The following RBM44 variants were observed in gnomAD, a reference collection of about 807,000 sequenced individuals.
RBM44 encodes RNA-binding protein 44.
Under a neutral mutation model 105.1 loss-of-function variants are expected in RBM44, and 66 were observed. That is an observed-to-expected ratio of 0.63 (90% CI 0.52 to 0.77). RBM44 has a LOEUF of 0.77. Among genes scored for constraint, RBM44 ranks in the 30% least tolerant of loss-of-function variants. RBM44 has a pLI of 0.00. For missense variants in RBM44, 1,122 were observed against 1,207.8 expected (o/e 0.93, Z 1.05); for synonymous variants, 365 against 417.6 (o/e 0.87, Z 1.54).
intron 12 of RBM44, among the ~76,000 whole-genome samples, chr2:237,827,721 T>C (rs1458594881): frequency 1.3e-5 from 2 of 152,162 alleles, no homozygotes; most frequent in East Asian, 3.8e-4. Context: ...AACTTGTTAA[T>C]GGTATACAGG....
At chr2:237,809,153 A>G (rs1019767117) in intron 1 of RBM44, among the ~76,000 whole-genome samples, 3 of 152,114 alleles carry the variant, frequency 2.0e-5, no homozygotes, top group Non-Finnish European at 2.9e-5. Flanking sequence ...TTTGACAGTA[A>G]CTAGTCTATA....
intron 1 of RBM44, among the ~76,000 whole-genome samples, chr2:237,810,617 C>G (rs1288233410): frequency 1.3e-5 from 2 of 152,132 alleles, no homozygotes; most frequent in Non-Finnish European, 2.9e-5. Flanking sequence ...GATTTATTTG[C>G]AAGGGCATTG....
Position 237,820,282 on chromosome 2 carries a change from A to G in RBM44, c.1844A>G (p.Tyr615Cys), listed in dbSNP as rs764076307. 2 of 1,604,882 alleles carry G rather than the reference A, an allele frequency of 1.2e-6. No homozygotes were observed. Among genetic ancestry groups the G allele is most frequent in the South Asian group, 1.1e-5 (1 of 89,622 alleles). ...GAGCTGCACCTTTTAAATGTTCACT[A>G]TCAGATGTGTCGTCGCCATTGTTGT... is the stretch of plus-strand genomic sequence containing the variant. ...KAELHLLNVH[Y>C]QMCRRHCCDI... The change falls in exon 5 of 16, where the codon TAT becomes TGT. Residue 615 changes from tyrosine (Y) to cysteine (C), a missense_variant. Tyr to Cys is a radical substitution (Grantham distance 194). Transcript: ENST00000316997.
Position 237,820,253 on chromosome 2 carries a change from AG to A in RBM44, c.1816del (p.Ala606GlnfsTer6). 1 of 1,597,766 alleles carries A rather than the reference AG, an allele frequency of 6.3e-7. No homozygotes were observed. ...CQKIMQRAIK[A>X]ELHLLNVHYQ... The stretch of plus-strand genomic sequence containing the variant: ...AGAAGATAATGCAGAGAGCCATAAA[AG>A]CAGAGCTGCACCTTTTAAATGTTCA... On this transcript the variant is annotated frameshift_variant, in exon 5 of 16. Coordinates refer to ENST00000316997, the MANE Select transcript of RBM44 (RefSeq NM_001080504.3). LOFTEE classifies it high-confidence loss of function.
chr2:237,839,531 A>C lies in RBM44; in HGVS notation c.*23-2308A>C, dbSNP rs978579228. Among the ~76,000 whole-genome samples the C allele has an allele frequency of 2.0e-5, 3 of 151,404 alleles. 1 individual carries two copies. The South Asian group carries it at 6.3e-4, about 32-fold the overall frequency. ...TGATCCGCCCGCCTTGGCCTCCCAA[A>C]GTGCTAGGATTACAGGCATGAGCCA... On this transcript the variant is annotated intron_variant, in intron 15 of 15. Coordinates refer to ENST00000316997, the MANE Select transcript of RBM44 (RefSeq NM_001080504.3).
intron 12 of RBM44, 133 bp from the exon 13 acceptor site, chr2:237,829,084 A>G (rs2061877977): frequency 8.2e-6 from 5 of 609,794 alleles, no homozygotes; most frequent in Non-Finnish European, 1.4e-5. Context: ...TCCCAAGGTA[A>G]GTACAGCAAC....
rs765873877 is a variant in RBM44 at position 237,817,010 on chromosome 2, A to G, written c.91A>G (p.Lys31Glu). The G allele has an allele frequency of 6.5e-7, 1 of 1,536,218 alleles. No individual in the cohort carries two copies. The highest frequency in any genetic ancestry group is 2.2e-5 in the Admixed American group (1 of 46,004). ...NLQKDKPSNP[K>E]KENLLLSSNG... Reference sequence around the variant, plus strand: ...TTAATCAGATAAACCTTCAAATCCAAAGAAAGAAAATTTGTTATTATCCTC... The same window carrying G: ...TTAATCAGATAAACCTTCAAATCCAGAGAAAGAAAATTTGTTATTATCCTC... The change falls in exon 3 of 16, where the codon AAG becomes GAG. Residue 31 changes from lysine to glutamate, a missense_variant. Physicochemically the swap from Lys to Glu is moderately conservative, Grantham distance 56. Transcript: ENST00000316997.
intron 15 of RBM44, among the ~76,000 whole-genome samples, chr2:237,838,503 A>G (rs1180891206): frequency 2.1e-5 from 1 of 47,898 alleles, no homozygotes; most frequent in Non-Finnish European, 4.9e-5. Context: ...TTGACTGTAG[A>G]AACAAAAATA....
In RBM44 at chr2:237,813,676, C is replaced by G. The variant is rs1219285166; in HGVS notation, c.67C>G (p.Gln23Glu). Residue 23 changes from glutamine to glutamate, a missense_variant, in exon 2 of 16, where the codon CAA (glutamine) becomes GAA (glutamate). Physicochemically the swap from Gln to Glu is conservative, Grantham distance 29. This residue lies in a region of RBM44 where 918 missense variants were observed against 955.3 expected (regional missense o/e 0.96). Coordinates refer to ENST00000316997, the MANE Select transcript of RBM44 (RefSeq NM_001080504.3). The stretch of plus-strand genomic sequence containing the variant: ...CTACCACAGTAATGGAGGCAACCTC[C>G]AAAAAGGTAAGGGTCTAGTCCACTT... ...KGYHSNGGNL[Q>E]KDKPSNPKKE... The G allele has an allele frequency of 6.2e-7, 1 of 1,603,354 alleles. No homozygotes were observed. The highest frequency in any genetic ancestry group is 8.5e-7 in the Non-Finnish European group (1 of 1,170,708).
At chr2:237,838,524 A>G (rs540454284) in intron 15 of RBM44, among the ~76,000 whole-genome samples, 4 of 152,312 alleles carry the variant, frequency 2.6e-5, no homozygotes, top group African/African-American at 7.2e-5. Flanking sequence ...ATGATGTTTT[A>G]TAGGTTCTAA....
intron 12 of RBM44, 87 bp from the exon 13 acceptor site, chr2:237,829,130 A>T: frequency 1.1e-6 from 1 of 906,120 alleles, no homozygotes; most frequent in Non-Finnish European, 1.7e-6. Flanking sequence ...CTTGTGAAAA[A>T]CGTATTTGCA....
intron 1 of RBM44, among the ~76,000 whole-genome samples, chr2:237,802,330 C>T (rs1390701287): frequency 6.6e-6 from 1 of 152,152 alleles, no homozygotes; most frequent in African/African-American, 2.4e-5. Flanking sequence ...GGAACTCAAA[C>T]CCTGTTGTGA....
intron 1 of RBM44, among the ~76,000 whole-genome samples, chr2:237,811,033 C>T (rs1039842405): frequency 1.3e-5 from 2 of 151,974 alleles, no homozygotes; most frequent in Admixed American, 6.6e-5. Flanking sequence ...TTGAATGTCA[C>T]GCCCTTCAGC....
rs569432764 is a variant in RBM44, at chr2:237,806,025, C to A, written c.-19+7164C>A. Among the ~76,000 whole-genome samples the A allele has an allele frequency of 9.1e-4, 138 of 152,206 alleles. 1 individual carries two copies. In the Middle Eastern group the frequency reaches 0.014, roughly 15 times the overall value. Reference sequence around the variant, plus strand: ...AACAACAAAAGAGTAAGACCATAAACTATAAAAATCTTAGAAGACAACCTA... The same window carrying A: ...AACAACAAAAGAGTAAGACCATAAAATATAAAAATCTTAGAAGACAACCTA... On this transcript the variant is annotated intron_variant, in intron 1 of 15. Transcript: ENST00000316997.
In RBM44 at chr2:237,834,358, T is replaced by C. The variant is rs1373462942; in HGVS notation, c.3113T>C (p.Val1038Ala). The change falls in exon 15 of 16, where the codon GTG becomes GCG. Residue 1038 changes from valine (V) to alanine (A), a missense_variant. Val to Ala is a moderately conservative substitution (Grantham distance 64). Around this residue, in one of 3 missense-constraint regions of RBM44, gnomAD observed 194 missense variants for 225.5 expected, o/e 0.86. Transcript: ENST00000316997. ...AATGGCTTATCTATTACTACTATTG[T>C]GGAGATGACTTCATCTCTTCTGAAA... ...FLNGLSITTI[V>A]EMTSSLLKNS... is the part of the protein sequence containing the mutation. 1 of 1,550,422 alleles carries C rather than the reference T, an allele frequency of 6.4e-7. No individual in the cohort carries two copies.
Position 237,817,164 on chromosome 2 carries a change from C to T in RBM44, c.245C>T (p.Ser82Leu). 1 of 1,606,336 alleles carries T rather than the reference C, an allele frequency of 6.2e-7. No individual in the cohort carries two copies. Among genetic ancestry groups the T allele is most frequent in the Non-Finnish European group, 8.5e-7 (1 of 1,176,938 alleles). The change falls in exon 3 of 16, where the codon TCA (serine) becomes TTA (leucine). Residue 82 changes from serine to leucine, a missense_variant. Transcript: ENST00000316997. ...ATGGATTTATTAGAGCCATTTTTTT[C>T]AGTGAGTCAAGATACTAACACAGAG... is the stretch of plus-strand genomic sequence containing the variant. ...DKMDLLEPFFSVSQDTNTEST... is the reference protein window; with the variant it reads ...DKMDLLEPFFLVSQDTNTEST...
At chr2:237,826,274 G>A (rs55846627) in intron 10 of RBM44, among the ~76,000 whole-genome samples, 31,136 of 152,014 alleles carry the variant, frequency 0.2, 3,783 homozygotes, top group East Asian at 0.41. Context: ...TGTACTTCCT[G>A]TGTGCCAGGT....
At chr2:237,830,048 T>C (rs531561741) in intron 13 of RBM44, among the ~76,000 whole-genome samples, 1 of 152,278 alleles carries the variant, frequency 6.6e-6, no homozygotes, top group South Asian at 2.1e-4. Flanking sequence ...CCTATAGCTT[T>C]AGACAAATGC....
Position 237,808,194 on chromosome 2 carries a change from T to TGTAATCCTAGCACTTTGGGA in RBM44, c.-18-5396_-18-5377dup, listed in dbSNP as rs2061618785. On this transcript the variant is annotated intron_variant, in intron 1 of 15. Transcript: ENST00000316997. ...AGGGCCGAGTGCAGTGGCTCAGGCT[T>TGTAATCCTAGCACTTTGGGA]GTAATCCTAGCACTTTGGGAGACTG... 2.0e-5 allele frequency among the ~76,000 whole-genome samples: 3 copies of TGTAATCCTAGCACTTTGGGA among 152,150 alleles called. No homozygotes were observed. The South Asian group carries it at 6.2e-4, about 32-fold the overall frequency.
Sources: gnomAD v4.1 joint callset for allele counts (sites outside exome capture counted in the v4.1 genomes callset) on GRCh38, gnomAD v4.1.1 for gene constraint, gnomAD v4.1.1 regional missense constraint, MANE v1.5 for transcripts, NCBI Gene and HGNC (gene_info 2026-07-23, HGNC 2026-07-21) for gene names.